The following MRPS21 variants were observed in gnomAD, a reference collection of about 807,000 sequenced individuals.
MRPS21 encodes small ribosomal subunit protein bS21m.
MRPS21 carries 8 observed loss-of-function variants against 9.9 expected under a neutral mutation model. The observed-to-expected ratio is 0.81, with a 90% confidence interval of 0.47 to 1.45. MRPS21 has a LOEUF of 1.45. Among genes scored for constraint, MRPS21 ranks in the 40% most tolerant of loss-of-function variants. MRPS21 has a pLI of 0.00. For missense variants in MRPS21, 101 were observed against 118.9 expected (o/e 0.85, Z 0.70); for synonymous variants, 40 against 40.3 (o/e 0.99, Z 0.03).
chr1:150,307,935 C>T (rs1233230878), intron 2 of MRPS21, 113 bp from the exon 3 acceptor site: 2 of 1,058,028 alleles, frequency 1.9e-6, no homozygotes, highest in Non-Finnish European at 2.6e-6. Context: ...CCACCATTTC[C>T]CACTGTATTT....
chr1:150,306,549 G>A (rs1654337691), intron 2 of MRPS21, among the ~76,000 whole-genome samples: 1 of 152,186 alleles, frequency 6.6e-6, no homozygotes, highest in Non-Finnish European at 1.5e-5. Context: ...AGGCTGGAGT[G>A]CAGTGGCGCA....
chr1:150,296,518 T>G (rs587726046), intron 2 of MRPS21, among the ~76,000 whole-genome samples: 12 of 152,298 alleles, frequency 7.9e-5, no homozygotes, highest in African/African-American at 2.9e-4. Context: ...GAGTGCACTC[T>G]TGTTGTGCCT....
At chr1:150,302,011 G>C (rs1390741194) in intron 2 of MRPS21, among the ~76,000 whole-genome samples, 1 of 152,198 alleles carries the variant, frequency 6.6e-6, no homozygotes, top group Non-Finnish European at 1.5e-5. Flanking sequence ...TTTTCTGACT[G>C]ATGCACTTTT....
chr1:150,306,646 C>G (rs181829049), intron 2 of MRPS21, among the ~76,000 whole-genome samples: 20 of 152,236 alleles, frequency 1.3e-4, no homozygotes, highest in African/African-American at 4.8e-4. Context: ...CAGGCATACA[C>G]CACCATGCCC....
intron 2 of MRPS21, 127 bp from the exon 3 acceptor site, chr1:150,307,920 TA>T (rs1553858776): frequency 1.1e-6 from 1 of 925,082 alleles, no homozygotes; most frequent in African/African-American, 1.7e-5. Context: ...GTTAATGCTC[TA>T]TTGCCACCAT....
At chr1:150,296,270 C>G (rs587746571) in intron 2 of MRPS21, among the ~76,000 whole-genome samples, 10 of 152,282 alleles carry the variant, frequency 6.6e-5, no homozygotes, top group South Asian at 2.1e-4. Context: ...TACTTTACCA[C>G]TGAATTCTCA....
At chr1:150,302,025 TTTC>T (rs1654155044) in intron 2 of MRPS21, among the ~76,000 whole-genome samples, 1 of 152,208 alleles carries the variant, frequency 6.6e-6, no homozygotes, top group Non-Finnish European at 1.5e-5. Context: ...CACTTTTCTG[TTTC>T]TTCTTTTTCT....
intron 2 of MRPS21, among the ~76,000 whole-genome samples, chr1:150,306,102 A>AT (rs1445252573): frequency 6.6e-6 from 1 of 152,174 alleles, no homozygotes; most frequent in Non-Finnish European, 1.5e-5. Flanking sequence ...ATTAGGAAAG[A>AT]TTTTTTAGCA....
intron 2 of MRPS21, among the ~76,000 whole-genome samples, chr1:150,296,580 TA>T (rs1233274134): frequency 6.6e-6 from 1 of 151,978 alleles, no homozygotes; most frequent in Non-Finnish European, 1.5e-5. Flanking sequence ...CCATGTCTCT[TA>T]AAAAAAATGT....
intron 2 of MRPS21, among the ~76,000 whole-genome samples, chr1:150,301,638 A>G (rs1276917186): frequency 2.0e-5 from 3 of 146,534 alleles, no homozygotes; most frequent in Admixed American, 6.9e-5. Flanking sequence ...TTTTTTTAAT[A>G]CGGAGTCTCT....
At chr1:150,294,178 G>C (rs1653828402) in intron 1 of MRPS21, 157 bp from the exon 2 acceptor site, 1 of 555,190 alleles carries the variant, frequency 1.8e-6, no homozygotes, top group Non-Finnish European at 3.4e-6. Context: ...AAGAGACAAC[G>C]ATTCACGTCT....
rs1014837482 is a variant in MRPS21 at position 150,298,625 on chromosome 1, G to A, written c.83+4176G>A. Among the ~76,000 whole-genome samples the A allele has an allele frequency of 4.0e-5, 6 of 151,614 alleles. No individual in the cohort carries two copies. The East Asian group carries it at 5.8e-4, about 15-fold the overall frequency. The stretch of plus-strand genomic sequence containing the variant: ...TATTGAACCACTTTTTTTTTGAGAC[G>A]GAGTCTCCCTCTGTCGCCCAGGCTG... On this transcript the variant is annotated intron_variant, in intron 2 of 2. Coordinates refer to ENST00000614145, the MANE Select transcript of MRPS21 (RefSeq NM_031901.6).
chr1:150,305,123 G>T, intron 2 of MRPS21: 1 of 233,890 alleles, frequency 4.3e-6, no homozygotes, highest in Non-Finnish European at 8.8e-6. Context: ...TCAACCTCCT[G>T]GGATAAAGCA....
intron 2 of MRPS21, among the ~76,000 whole-genome samples, chr1:150,307,546 C>T (rs1391618712): frequency 2.0e-5 from 3 of 151,430 alleles, no homozygotes; most frequent in South Asian, 2.1e-4. Context: ...TTTGCAGAGA[C>T]GGGGTTTTGC....
Position 150,296,233 on chromosome 1 carries a change from C to T in MRPS21, c.83+1784C>T, listed in dbSNP as rs587616479. Among the ~76,000 whole-genome samples the T allele has an allele frequency of 3.3e-5, 5 of 152,346 alleles. No homozygotes were observed. In the South Asian group the frequency reaches 8.3e-4, roughly 25 times the overall value. Reference sequence around the variant, plus strand: ...AAAGTGCTGGGATTACAGGCATGAGCCACTGCATCCGGCCCAGCCCTAGTA... The same window carrying T: ...AAAGTGCTGGGATTACAGGCATGAGTCACTGCATCCGGCCCAGCCCTAGTA... On this transcript the variant is annotated intron_variant, in intron 2 of 2. Coordinates refer to ENST00000614145, the MANE Select transcript of MRPS21 (RefSeq NM_031901.6).
intron 2 of MRPS21, among the ~76,000 whole-genome samples, chr1:150,305,596 G>GTTTTGT (rs1654299959): frequency 6.6e-6 from 1 of 151,972 alleles, no homozygotes; most frequent in South Asian, 2.1e-4. Context: ...TAGGGCACGT[G>GTTTTGT]TTTTGTTTTT....
intron 2 of MRPS21, among the ~76,000 whole-genome samples, chr1:150,296,131 T>C (rs1572142960): frequency 6.6e-6 from 1 of 152,192 alleles, no homozygotes; most frequent in African/African-American, 2.4e-5. Context: ...TTTGTATTTT[T>C]AGTAGAGAGG....
intron 2 of MRPS21, among the ~76,000 whole-genome samples, chr1:150,299,582 G>A (rs1045699877): frequency 1.3e-5 from 2 of 152,074 alleles, no homozygotes; most frequent in African/African-American, 4.8e-5. Flanking sequence ...AGCCCCCCGT[G>A]TAGCTGGGAT....
At position 150,308,480 on chromosome 1, in the gene MRPS21, G is replaced by A. The variant is rs1425917137; in HGVS notation, c.*252G>A. 4 of 358,640 alleles carry A rather than the reference G, an allele frequency of 1.1e-5. No individual in the cohort carries two copies. The highest frequency in any genetic ancestry group is 2.1e-5 in the Non-Finnish European group (4 of 194,110). The allele number at this position is 358,640 out of a possible 1,614,324, so 22.2% of individuals were successfully genotyped here. Reference sequence around the variant, plus strand: ...TATTTGCCAGGGACTGGAGGAGGGGGCAGTGAGGAGTTATTGTTTAATGGG... The same window carrying A: ...TATTTGCCAGGGACTGGAGGAGGGGACAGTGAGGAGTTATTGTTTAATGGG... On this transcript the variant is annotated 3_prime_UTR_variant, in exon 3 of 3. Transcript: ENST00000614145.
Sources: allele counts gnomAD v4.1 joint callset (sites outside exome capture counted in the v4.1 genomes callset), GRCh38; gene constraint gnomAD v4.1.1; transcripts MANE v1.5; gene names NCBI Gene and HGNC (gene_info 2026-07-23, HGNC 2026-07-21).